KAT14: variants seen among roughly 807,000 people sequenced by gnomAD.
The protein encoded by KAT14 is cysteine-rich protein 2-binding protein.
KAT14 carries 66 observed loss-of-function variants against 78.4 expected under a neutral mutation model. The observed-to-expected ratio is 0.84, with a 90% confidence interval of 0.69 to 1.03. The LOEUF (loss-of-function observed/expected upper bound fraction) is 1.03, where lower values mean the gene tolerates loss of function less well. KAT14 is among the 50% of genes least tolerant of loss of function. KAT14 has a pLI of 0.00. For missense variants in KAT14, 870 were observed against 972.5 expected (o/e 0.89, Z 1.40); for synonymous variants, 344 against 359.4 (o/e 0.96, Z 0.48).
chr20:18,146,804 C>T (rs1262696482), intron 3 of KAT14, among the ~76,000 whole-genome samples: 1 of 151,602 alleles, frequency 6.6e-6, no homozygotes, highest in Non-Finnish European at 1.5e-5. Context: ...GTGATCGAGC[C>T]ACTGTACTCC....
intron 7 of KAT14, among the ~76,000 whole-genome samples, chr20:18,171,548 A>G (rs1028244122): frequency 2.6e-5 from 4 of 152,242 alleles, no homozygotes; most frequent in Non-Finnish European, 5.9e-5. Flanking sequence ...ACAGTGGCTC[A>G]CGCCTGTAAT....
chr20:18,146,591 G>A (rs529059853), intron 3 of KAT14, among the ~76,000 whole-genome samples: 57 of 152,266 alleles, frequency 3.7e-4, no homozygotes, highest in African/African-American at 1.1e-3. Context: ...CCCAGGAGGC[G>A]GAGGTTGCAG....
intron 1 of KAT14, among the ~76,000 whole-genome samples, chr20:18,138,658 A>G (rs906329493): frequency 2.0e-5 from 3 of 152,058 alleles, no homozygotes; most frequent in African/African-American, 7.2e-5. Flanking sequence ...TGCTATGGAA[A>G]CTAGAATCTG....
At chr20:18,166,983 G>A (rs2038664572) in intron 7 of KAT14, among the ~76,000 whole-genome samples, 1 of 152,164 alleles carries the variant, frequency 6.6e-6, no homozygotes, top group African/African-American at 2.4e-5. Context: ...GATGCTGGTT[G>A]CCAAGTTGGG....
chr20:18,138,211 C>G (rs941763622), intron 1 of KAT14, 160 bp downstream of exon 1: 13 of 1,269,028 alleles, frequency 1.0e-5, no homozygotes, highest in Non-Finnish European at 1.3e-5. Context: ...GGCCGGCGGC[C>G]GCTCTGCTGG....
intron 8 of KAT14, among the ~76,000 whole-genome samples, chr20:18,182,849 G>T (rs2039310739): frequency 6.6e-6 from 1 of 152,176 alleles, no homozygotes; most frequent in Non-Finnish European, 1.5e-5. Flanking sequence ...ACTCCTTGGG[G>T]TGAATCTGAT....
At position 18,161,931 on chromosome 20, in the gene KAT14, C is replaced by G; in HGVS notation, c.791C>G (p.Thr264Ser). Reference protein sequence around the residue: ...AMELKEKRSRTQEAKDIRRAQ... With the variant: ...AMELKEKRSRSQEAKDIRRAQ... ...GAATTAAAAGAGAAAAGGTCTCGAA[C>G]TCAGGAAGCAAAAGACATTAGAAGA... The change falls in exon 6 of 11, where the codon ACT becomes AGT. Residue 264 changes from threonine to serine, a missense_variant. Coordinates refer to ENST00000688188, the MANE Select transcript of KAT14 (RefSeq NM_001392073.1). 2 of 1,614,236 alleles carry G rather than the reference C, an allele frequency of 1.2e-6. No homozygotes were observed. Among genetic ancestry groups the G allele is most frequent in the Non-Finnish European group, 1.7e-6 (2 of 1,180,046 alleles).
At chr20:18,138,134 C>T (rs1248061651) in intron 1 of KAT14, 83 bp downstream of exon 1, 1 of 1,362,522 alleles carries the variant, frequency 7.3e-7, no homozygotes, top group Non-Finnish European at 9.4e-7. Context: ...CCGCTCGGTT[C>T]CTCAGCTCCT....
At chr20:18,142,069 A>C in intron 1 of KAT14, 139 bp from the exon 2 acceptor site, 1 of 889,656 alleles carries the variant, frequency 1.1e-6, no homozygotes, top group Admixed American at 3.3e-5. Context: ...TTTGTACAGA[A>C]AATTAAAATA....
At chr20:18,150,326 T>C (rs1229813219) in intron 3 of KAT14, among the ~76,000 whole-genome samples, 1 of 152,190 alleles carries the variant, frequency 6.6e-6, no homozygotes, top group African/African-American at 2.4e-5. Flanking sequence ...TGAGTCTTGT[T>C]TTTGCCATCT....
intron 7 of KAT14, among the ~76,000 whole-genome samples, chr20:18,167,027 C>T (rs2038665620): frequency 6.6e-6 from 1 of 152,180 alleles, no homozygotes; most frequent in Non-Finnish European, 1.5e-5. Context: ...TTGTCAGGTA[C>T]TCACACCTCA....
intron 7 of KAT14, among the ~76,000 whole-genome samples, chr20:18,179,568 C>T (rs1332144087): frequency 6.6e-6 from 1 of 152,146 alleles, no homozygotes; most frequent in South Asian, 2.1e-4. Flanking sequence ...TACCTTGGCC[C>T]CTTTTAGCAA....
intron 1 of KAT14, among the ~76,000 whole-genome samples, chr20:18,140,772 A>G (rs1459613048): frequency 7.2e-6 from 1 of 139,014 alleles, no homozygotes; most frequent in Non-Finnish European, 1.5e-5. Flanking sequence ...AGATCGTGCC[A>G]TGGAGCCAAG....
rs1199034058 is a variant in KAT14, at chr20:18,142,289, A to G, written c.-372A>G. On this transcript the variant is annotated 5_prime_UTR_variant, in exon 2 of 11. Transcript: ENST00000688188. ...CATTCGTCTTTTGGGAGAACAGATT[A>G]TTTTGACTGAGCAACTTGAAGCAGA... is the stretch of plus-strand genomic sequence containing the variant. The G allele has an allele frequency of 2.6e-6, 4 of 1,537,110 alleles. No homozygotes were observed. Among genetic ancestry groups the G allele is most frequent in the Non-Finnish European group, 1.7e-6 (2 of 1,146,914 alleles).
intron 7 of KAT14, among the ~76,000 whole-genome samples, chr20:18,181,120 T>G (rs923060640): frequency 6.6e-6 from 1 of 152,196 alleles, no homozygotes; most frequent in African/African-American, 2.4e-5. Flanking sequence ...TGTTCAATCC[T>G]GCATCTCACT....
Position 18,142,483 on chromosome 20 carries a change from GA to G in KAT14, c.-177del. 2 of 1,457,482 alleles carry G rather than the reference GA, an allele frequency of 1.4e-6. No individual in the cohort carries two copies. Among genetic ancestry groups the G allele is most frequent in the African/African-American group, 1.4e-5 (1 of 70,324 alleles). The allele number at this position is 1,457,482 out of a possible 1,614,324, so 90.3% of individuals were successfully genotyped here. On this transcript the variant is annotated 5_prime_UTR_variant, in exon 2 of 11. Transcript: ENST00000688188. ...TCCTTTTAAACTTGATCAAATAAAG[GA>G]CAGTGGGTCATATAAGTTACTGCTT...
intron 1 of KAT14, among the ~76,000 whole-genome samples, chr20:18,141,042 T>A (rs1568661438): frequency 1.5e-4 from 5 of 32,820 alleles, no homozygotes; most frequent in East Asian, 5.8e-4. Flanking sequence ...TTTTTTTTTT[T>A]TTTTATTTTT....
chr20:18,140,931 C>T (rs2146327158), intron 1 of KAT14, among the ~76,000 whole-genome samples: 1 of 149,348 alleles, frequency 6.7e-6, no homozygotes, highest in Admixed American at 6.6e-5. Flanking sequence ...AATCTTAGCT[C>T]ACTGCAGCCT....
intron 7 of KAT14, among the ~76,000 whole-genome samples, chr20:18,163,240 T>C (rs746409509): frequency 1.3e-5 from 2 of 152,250 alleles, no homozygotes; most frequent in Non-Finnish European, 1.5e-5. Flanking sequence ...AGGATAGATA[T>C]GCATGGTTTG....
Sources: gnomAD v4.1 joint callset for allele counts (sites outside exome capture counted in the v4.1 genomes callset) on GRCh38, gnomAD v4.1.1 for gene constraint, MANE v1.5 for transcripts, NCBI Gene and HGNC (gene_info 2026-07-23, HGNC 2026-07-21) for gene names.